Variants in FSTL4 observed in about 807,000 individuals in gnomAD.
FSTL4 encodes the protein follistatin like 4.
In FSTL4, 28 loss-of-function variants were observed where a neutral mutation model predicts 78.2. The observed-to-expected ratio is 0.36, with a 90% CI of 0.27 to 0.49. The LOEUF (loss-of-function observed/expected upper bound fraction) is 0.49. Ranked by LOEUF, FSTL4 falls within the 20% of genes least tolerant of loss-of-function variation. The pLI is 0.98. For synonymous variants in FSTL4, 422 were observed against 440.5 expected, an observed-to-expected ratio of 0.96 and a Z score of 0.53; for missense variants, 922 against 1,084.9, an observed-to-expected ratio of 0.85 and a Z score of 2.11.
At chr5:133,558,975 G>A (rs182052303) in intron 3 of FSTL4, among the ~76,000 whole-genome samples, 194 of 152,290 alleles carry the variant, frequency 1.3e-3, no homozygotes, top group Non-Finnish European at 2.3e-3. Flanking sequence ...TGCTCCAGCT[G>A]AAGCAGAGAG....
chr5:133,525,937 G>A (rs1759088188), intron 3 of FSTL4, among the ~76,000 whole-genome samples: 1 of 152,190 alleles, frequency 6.6e-6, no homozygotes, highest in South Asian at 2.1e-4. Flanking sequence ...AGACATATTA[G>A]TTGAGCATGT....
At chr5:133,705,938 G>A in the FSTL4 span, among the ~76,000 whole-genome samples, 1,692 of 152,146 alleles carry the variant, frequency 0.011, 37 homozygotes, top group African/African-American at 0.039. Flanking sequence ...TGAATGGCAA[G>A]GAAACTTAAG....
the FSTL4 span, among the ~76,000 whole-genome samples, chr5:133,639,898 A>G: frequency 3.3e-5 from 5 of 152,230 alleles, no homozygotes; most frequent in Admixed American, 3.3e-4. Flanking sequence ...GACAGGGACA[A>G]TCTCCAGGCC....
chr5:133,519,218 T>C (rs1225495431), intron 3 of FSTL4, among the ~76,000 whole-genome samples: 1 of 152,228 alleles, frequency 6.6e-6, no homozygotes, highest in Non-Finnish European at 1.5e-5. Flanking sequence ...CCACCATTTG[T>C]TCTGACTGTT....
the FSTL4 span, among the ~76,000 whole-genome samples, chr5:133,790,156 TG>T: frequency 3.9e-5 from 6 of 152,212 alleles, no homozygotes; most frequent in Non-Finnish European, 8.8e-5. Flanking sequence ...AAAACTTCAA[TG>T]ACTCCTCCAT....
the FSTL4 span, among the ~76,000 whole-genome samples, chr5:133,655,222 A>G: frequency 6.6e-6 from 1 of 151,984 alleles, no homozygotes; most frequent in Non-Finnish European, 1.5e-5. Context: ...CTTCTTCCCC[A>G]TAATTACTAT....
At chr5:133,249,797 A>C (rs1752162007) in intron 6 of FSTL4, among the ~76,000 whole-genome samples, 2 of 152,388 alleles carry the variant, frequency 1.3e-5, no homozygotes, top group Non-Finnish European at 2.9e-5. Context: ...ATGTGAGTCC[A>C]AACAGGTCAA....
chr5:133,433,519 C>T (rs1366345852), intron 3 of FSTL4, among the ~76,000 whole-genome samples: 2 of 152,160 alleles, frequency 1.3e-5, no homozygotes, highest in African/African-American at 4.8e-5. Context: ...ATTCATGTGG[C>T]AAGCATTTAT....
At chr5:133,450,185 A>G (rs939166947) in intron 3 of FSTL4, among the ~76,000 whole-genome samples, 1 of 152,226 alleles carries the variant, frequency 6.6e-6, no homozygotes, top group Non-Finnish European at 1.5e-5. Flanking sequence ...AAAACAGCCC[A>G]TGATGCAAAC....
intron 5 of FSTL4, among the ~76,000 whole-genome samples, chr5:133,315,395 G>A (rs1451021546): frequency 6.6e-6 from 1 of 152,180 alleles, no homozygotes; most frequent in Non-Finnish European, 1.5e-5. Flanking sequence ...GAACTCTTCT[G>A]TGTTTATTAA....
intron 12 of FSTL4, among the ~76,000 whole-genome samples, chr5:133,220,391 T>C (rs926244351): frequency 2.0e-5 from 3 of 152,238 alleles, no homozygotes; most frequent in African/African-American, 7.2e-5. Context: ...TGTTCCATCG[T>C]TATTTTCTAC....
At chr5:133,615,377 A>C (rs999200960), upstream of FSTL4, among the ~76,000 whole-genome samples, 2 of 152,254 alleles carry the variant, frequency 1.3e-5, no homozygotes, top group Non-Finnish European at 2.9e-5. Context: ...CCCTGTGCTT[A>C]GGAGAGCCCT....
chr5:133,378,859 G>A (rs1406472487), intron 4 of FSTL4, among the ~76,000 whole-genome samples: 2 of 151,750 alleles, frequency 1.3e-5, no homozygotes, highest in Non-Finnish European at 2.9e-5. Context: ...AGAAACAGAG[G>A]AATAAATGAA....
the FSTL4 span, among the ~76,000 whole-genome samples, chr5:133,832,472 C>T: frequency 3.3e-5 from 5 of 152,276 alleles, no homozygotes; most frequent in South Asian, 2.1e-4. Flanking sequence ...TCTGTGTGGA[C>T]GAAGGCAATT....
the FSTL4 span, among the ~76,000 whole-genome samples, chr5:133,707,936 T>C: frequency 6.6e-6 from 1 of 152,114 alleles, no homozygotes; most frequent in Non-Finnish European, 1.5e-5. Context: ...CCCTCCCATC[T>C]GTACTCCCAG....
the FSTL4 span, among the ~76,000 whole-genome samples, chr5:133,689,004 C>A: frequency 1.3e-5 from 2 of 152,206 alleles, no homozygotes; most frequent in Non-Finnish European, 2.9e-5. Flanking sequence ...TTGCTGCAGG[C>A]AGAGCGTCGC....
the FSTL4 span, among the ~76,000 whole-genome samples, chr5:133,749,236 T>C: frequency 6.6e-6 from 1 of 152,132 alleles, no homozygotes; most frequent in African/African-American, 2.4e-5. Context: ...TTTAGGGAAG[T>C]AGCAAATGAG....
At chr5:133,215,900 C>A (rs1286031130) in intron 13 of FSTL4, among the ~76,000 whole-genome samples, 3 of 152,166 alleles carry the variant, frequency 2.0e-5, no homozygotes, top group African/African-American at 7.2e-5. Context: ...TTGCCTCCCT[C>A]TTATAAGGAC....
intron 2 of FSTL4, among the ~76,000 whole-genome samples, chr5:133,567,946 G>A (rs1306145176): frequency 6.6e-6 from 1 of 152,200 alleles, no homozygotes; most frequent in African/African-American, 2.4e-5. Context: ...AAATGAAAGG[G>A]TGATTTGTCT....
Sources: allele counts gnomAD v4.1 joint callset (sites outside exome capture counted in the v4.1 genomes callset), GRCh38; gene constraint gnomAD v4.1.1; transcripts MANE v1.5; gene names NCBI Gene and HGNC (gene_info 2026-07-23, HGNC 2026-07-21).